Variants in DOCK5 observed in about 807,000 individuals in gnomAD.
DOCK5 encodes the protein dedicator of cytokinesis 5.
Under a neutral mutation model 251.8 loss-of-function variants are expected in DOCK5, and 142 were observed. The observed-to-expected ratio is 0.56, with a 90% confidence interval of 0.49 to 0.65. DOCK5 has a LOEUF of 0.65. Among genes scored for constraint, DOCK5 ranks in the 30% least tolerant of loss-of-function variants. The probability of loss-of-function intolerance (pLI) is 0.00; values close to 1 mark genes in which losing one functional copy is unlikely to be tolerated. For missense variants in DOCK5, 2,111 were observed against 2,312.3 expected (o/e 0.91, Z 1.79); for synonymous variants, 842 against 835.5 (o/e 1.01, Z -0.13).
At position 25,411,275 on chromosome 8, in the gene DOCK5, A is replaced by G. The variant is rs1801627920; in HGVS notation, c.5590A>G (p.Thr1864Ala). The G allele has an allele frequency of 6.4e-7, 1 of 1,567,720 alleles. No homozygotes were observed. The change falls in exon 52 of 52, where the codon ACT becomes GCT. Residue 1864 changes from threonine to alanine, a missense_variant. By Grantham distance (58) the Thr-to-Ala change is moderately conservative. Around this residue, in one of 3 missense-constraint regions of DOCK5, gnomAD observed 1,717 missense variants for 1,892.4 expected, o/e 0.91. Coordinates refer to ENST00000276440, the MANE Select transcript of DOCK5 (RefSeq NM_024940.8). The stretch of plus-strand genomic sequence containing the variant: ...AAAGGCTCGGAAGTCTGGCATCCCT[A>G]CTTCCGAGCCTGGATCCCAGTAAGG... ...PPKARKSGIP[T>A]SEPGSQ
At chr8:25,257,338 T>C (rs1364739362) in intron 2 of DOCK5, among the ~76,000 whole-genome samples, 1 of 152,162 alleles carries the variant, frequency 6.6e-6, no homozygotes, top group Admixed American at 6.5e-5. Flanking sequence ...GATGCTCTTT[T>C]AATCAATGTG....
chr8:25,391,367 T>C (rs1801257550), intron 42 of DOCK5, among the ~76,000 whole-genome samples: 2 of 152,084 alleles, frequency 1.3e-5, no homozygotes, highest in Non-Finnish European at 1.5e-5. Context: ...TGGCCACATA[T>C]ACCTTTTAAA....
chr8:25,367,679 A>G (rs1179335470), intron 31 of DOCK5, among the ~76,000 whole-genome samples: 2 of 152,184 alleles, frequency 1.3e-5, no homozygotes, highest in Admixed American at 1.3e-4. Context: ...TTTGCTCCCA[A>G]GGACCAATAT....
At chr8:25,386,631 G>A (rs1801169137) in intron 40 of DOCK5, among the ~76,000 whole-genome samples, 2 of 151,268 alleles carry the variant, frequency 1.3e-5, no homozygotes, top group African/African-American at 4.9e-5. Context: ...AGAGTGTAGG[G>A]TCTAAATGCA....
rs1586360210 is a variant in DOCK5 at position 25,359,147 on chromosome 8, A to C, written c.2949+86A>C. The stretch of plus-strand genomic sequence containing the variant: ...GACTGAAGCTGAGCATCGTGAGTCC[A>C]GGGTTCTCTTCCCACGCACCTCCGG... On this transcript the variant is annotated intron_variant, in intron 28 of 51. Coordinates refer to ENST00000276440, the MANE Select transcript of DOCK5 (RefSeq NM_024940.8). The C allele has an allele frequency of 6.7e-6, 8 of 1,201,518 alleles. No individual in the cohort carries two copies. The East Asian group carries it at 1.9e-4, about 28-fold the overall frequency. The allele number at this position is 1,201,518 out of a possible 1,614,324, so 74.4% of individuals were successfully genotyped here.
intron 3 of DOCK5, among the ~76,000 whole-genome samples, 165 bp downstream of exon 3, chr8:25,269,050 CTAAATG>C (rs1325318036): frequency 6.6e-6 from 1 of 152,172 alleles, no homozygotes; most frequent in African/African-American, 2.4e-5. Context: ...ACCTCAGTGC[CTAAATG>C]TAATAGTGTA....
At chr8:25,408,761 C>T in intron 49 of DOCK5, 41 bp from the exon 50 acceptor site, 1 of 1,609,580 alleles carries the variant, frequency 6.2e-7, no homozygotes, top group Non-Finnish European at 8.5e-7. Context: ...GCTCAGCCTT[C>T]CTCACCGTGA....
At chr8:25,366,585 A>G (rs137872099) in intron 30 of DOCK5, among the ~76,000 whole-genome samples, 145 of 152,302 alleles carry the variant, frequency 9.5e-4, no homozygotes, top group Admixed American at 1.7e-3. Context: ...CTTTTGAAAC[A>G]TAGTGCCAAA....
At chr8:25,352,603 A>G (rs1170663613) in intron 27 of DOCK5, among the ~76,000 whole-genome samples, 1 of 152,246 alleles carries the variant, frequency 6.6e-6, no homozygotes, top group Non-Finnish European at 1.5e-5. Flanking sequence ...ATTAGAGGAC[A>G]TAGGAAAAGA....
chr8:25,360,847 C>A (rs987506398), intron 28 of DOCK5, among the ~76,000 whole-genome samples: 2 of 152,092 alleles, frequency 1.3e-5, no homozygotes, highest in Admixed American at 1.3e-4. Flanking sequence ...CAAACCGTGA[C>A]AATTTGGCTC....
chr8:25,262,894 A>G (rs1035466840), intron 2 of DOCK5, among the ~76,000 whole-genome samples: 5 of 148,834 alleles, frequency 3.4e-5, no homozygotes, highest in Admixed American at 3.3e-4. Context: ...ATCTCAGCTC[A>G]CTGCAACCCC....
intron 27 of DOCK5, 106 bp from the exon 28 acceptor site, chr8:25,358,856 TG>T: frequency 1.1e-6 from 1 of 889,728 alleles, no homozygotes; most frequent in Non-Finnish European, 1.9e-6. Flanking sequence ...GTGGGATACC[TG>T]CGTGGCTCAG....
intron 26 of DOCK5, among the ~76,000 whole-genome samples, chr8:25,348,708 C>T (rs989759671): frequency 7.9e-5 from 12 of 151,812 alleles, no homozygotes; most frequent in Admixed American, 3.9e-4. Context: ...CGTGGTGGTG[C>T]GCACCTGTAA....
At chr8:25,393,912 A>T (rs566948756) in intron 44 of DOCK5, among the ~76,000 whole-genome samples, 1 of 152,206 alleles carries the variant, frequency 6.6e-6, no homozygotes, top group Non-Finnish European at 1.5e-5. Flanking sequence ...TCTTGACCAA[A>T]GCTGAACTGA....
At chr8:25,393,241 C>G (rs867978798) in intron 44 of DOCK5, among the ~76,000 whole-genome samples, 8 of 152,152 alleles carry the variant, frequency 5.3e-5, no homozygotes, top group Non-Finnish European at 1.0e-4. Flanking sequence ...CTCTGCTAAT[C>G]ATATCCACAG....
At chr8:25,295,499 A>G (rs1242397974) in intron 6 of DOCK5, among the ~76,000 whole-genome samples, 1 of 152,196 alleles carries the variant, frequency 6.6e-6, no homozygotes, top group African/African-American at 2.4e-5. Context: ...TCATAATGTT[A>G]GCAAGTATTC....
intron 2 of DOCK5, among the ~76,000 whole-genome samples, chr8:25,266,285 G>A (rs963021705): frequency 2.0e-5 from 3 of 150,874 alleles, no homozygotes; most frequent in East Asian, 1.9e-4. Context: ...GCACTATCTC[G>A]GCTCACTGCA....
intron 21 of DOCK5, 105 bp from the exon 22 acceptor site, chr8:25,336,134 T>A (rs1805798424): frequency 8.0e-7 from 1 of 1,257,818 alleles, no homozygotes; most frequent in South Asian, 1.5e-5. Flanking sequence ...TAATTAGTTA[T>A]GACTTCTACT....
At chr8:25,366,395 G>C (rs1328302652) in intron 30 of DOCK5, among the ~76,000 whole-genome samples, 2 of 152,186 alleles carry the variant, frequency 1.3e-5, no homozygotes, top group Admixed American at 1.3e-4. Context: ...TCAGGATAAG[G>C]CAGGACGCTT....
Sources: allele counts gnomAD v4.1 joint callset (sites outside exome capture counted in the v4.1 genomes callset), GRCh38; gene constraint gnomAD v4.1.1; regional missense constraint gnomAD v4.1.1; transcripts MANE v1.5; gene names NCBI Gene and HGNC (gene_info 2026-07-23, HGNC 2026-07-21).